Variants in GPAT3 observed in about 807,000 individuals in gnomAD.
The protein encoded by GPAT3 is 1-AGP acyltransferase 9.
Under a neutral mutation model 58.8 loss-of-function variants are expected in GPAT3, and 53 were observed. The ratio of observed to expected loss-of-function variants is 0.90; its 90% CI spans 0.72 to 1.13. GPAT3 has a LOEUF of 1.13. Among genes scored for constraint, GPAT3 ranks in the 50% most tolerant of loss-of-function variants. GPAT3 has a pLI of 0.00. For missense variants in GPAT3, 511 were observed against 527.6 expected, an observed-to-expected ratio of 0.97 and a Z score of 0.31; for synonymous variants, 197 against 187.4, an observed-to-expected ratio of 1.05 and a Z score of -0.42.
At chr4:83,581,394 T>A (rs1167296593) in intron 2 of GPAT3, among the ~76,000 whole-genome samples, 168 bp from the exon 3 acceptor site, 4 of 152,156 alleles carry the variant, frequency 2.6e-5, no homozygotes, top group Non-Finnish European at 5.9e-5. Flanking sequence ...TGATTTCACC[T>A]CTTTTCCCAC....
At chr4:83,579,565 T>C (rs970939019) in intron 2 of GPAT3, among the ~76,000 whole-genome samples, 3 of 152,064 alleles carry the variant, frequency 2.0e-5, no homozygotes, top group Admixed American at 1.3e-4. Context: ...GTGTTGGAAT[T>C]ACAGGCATAA....
chr4:83,578,895 CTCTT>C lies in GPAT3; in HGVS notation c.209-2661_209-2658del, dbSNP rs1207199547. 3.5e-3 allele frequency among the ~76,000 whole-genome samples: 504 copies of C among 146,064 alleles called. 7 individuals carry two copies. Among genetic ancestry groups the C allele is most frequent in the African/African-American group, 0.012 (479 of 39,234 alleles). Reference sequence around the variant, plus strand: ...TTCCTTCCCTCCCTTCCCTCCCTCCCTCTTTCTTTTCTTTTTTCTTTTTTCTTTT... The same window carrying C: ...TTCCTTCCCTCCCTTCCCTCCCTCCCTCTTTTCTTTTTTCTTTTTTCTTTT... On this transcript the variant is annotated intron_variant, in intron 2 of 11. Transcript: ENST00000264409.
chr4:83,575,123 G>A (rs570244041), intron 2 of GPAT3, among the ~76,000 whole-genome samples: 45 of 152,002 alleles, frequency 3.0e-4, no homozygotes, highest in South Asian at 1.9e-3. Context: ...TGATCCGCCC[G>A]CCTCGGCCTC....
At chr4:83,573,696 C>A (rs942821057) in intron 2 of GPAT3, among the ~76,000 whole-genome samples, 2 of 152,104 alleles carry the variant, frequency 1.3e-5, no homozygotes, top group Non-Finnish European at 2.9e-5. Context: ...AGGATCTGAG[C>A]CCCTCAGAGG....
chr4:83,598,677 G>A lies in GPAT3; in HGVS notation c.1159G>A (p.Val387Ile). ...GEDAVQFANRVKSAIAIQGGL... is the reference protein window; with the variant it reads ...GEDAVQFANRIKSAIAIQGGL... Reference sequence around the variant, plus strand: ...AGATGCAGTCCAGTTTGCTAACAGGGTTAAGTCTGCTATTGCTATACAAGG... The same window carrying A: ...AGATGCAGTCCAGTTTGCTAACAGGATTAAGTCTGCTATTGCTATACAAGG... The change falls in exon 11 of 12, where the codon GTT (valine) becomes ATT (isoleucine). Residue 387 changes from valine (V) to isoleucine (I), a missense_variant. Physicochemically the swap from Val to Ile is conservative, Grantham distance 29. Transcript: ENST00000264409. 6.5e-7 allele frequency: 1 copy of A among 1,549,670 alleles called. No homozygotes were observed. The highest frequency in any genetic ancestry group is 8.8e-7 in the Non-Finnish European group (1 of 1,142,700).
intron 6 of GPAT3, among the ~76,000 whole-genome samples, chr4:83,591,650 C>T (rs1371836859): frequency 2.6e-5 from 4 of 152,130 alleles, no homozygotes; most frequent in East Asian, 1.9e-4. Context: ...CCCTAGACCC[C>T]GCAGCACAGT....
At chr4:83,535,740 G>A (rs1211870935), upstream of GPAT3, 3 of 985,436 alleles carry the variant, frequency 3.0e-6, no homozygotes, top group Non-Finnish European at 3.6e-6. Context: ...GCCATGTGGG[G>A]AAGGAGGTGT....
In GPAT3 at chr4:83,597,466, A is replaced by G; in HGVS notation, c.947A>G (p.Lys316Arg). 1 of 1,575,694 alleles carries G rather than the reference A, an allele frequency of 6.3e-7. No homozygotes were observed. The highest frequency in any genetic ancestry group is 8.6e-7 in the Non-Finnish European group (1 of 1,159,938). The change falls in exon 9 of 12, where the codon AAA (lysine) becomes AGA (arginine). Residue 316 changes from lysine to arginine, a missense_variant. By Grantham distance (26) the Lys-to-Arg change is conservative (BLOSUM62 2). Coordinates refer to ENST00000264409, the MANE Select transcript of GPAT3 (RefSeq NM_032717.5). ...CINNTSVMMF[K>R]KGSFEIGGTI... is the part of the protein sequence containing the mutation. ...AACAATACTTCAGTCATGATGTTTA[A>G]AAAGGGGAGCTTTGAAATTGGAGGA...
At chr4:83,564,078 T>C (rs1228626116) in intron 2 of GPAT3, among the ~76,000 whole-genome samples, 1 of 152,194 alleles carries the variant, frequency 6.6e-6, no homozygotes, top group East Asian at 1.9e-4. Context: ...TTTGGATTGA[T>C]AGTGTCAAAC....
chr4:83,537,417 C>T (rs1417129757), intron 1 of GPAT3, among the ~76,000 whole-genome samples: 1 of 152,042 alleles, frequency 6.6e-6, no homozygotes, highest in Non-Finnish European at 1.5e-5. Context: ...AGAACAACTG[C>T]AGCTTACTCT....
chr4:83,566,066 C>T (rs114442729), intron 2 of GPAT3, among the ~76,000 whole-genome samples: 2,693 of 152,252 alleles, frequency 0.018, 31 homozygotes, highest in Non-Finnish European at 0.026. Context: ...GGAATGCCGC[C>T]GAGCTGTTAT....
At chr4:83,576,091 C>G (rs1191105497) in intron 2 of GPAT3, among the ~76,000 whole-genome samples, 1 of 152,202 alleles carries the variant, frequency 6.6e-6, no homozygotes, top group African/African-American at 2.4e-5. Context: ...TTGTGTTCCA[C>G]ATATCGTTTT....
chr4:83,569,356 A>G (rs1332056419), intron 2 of GPAT3, among the ~76,000 whole-genome samples: 1 of 152,208 alleles, frequency 6.6e-6, no homozygotes, highest in East Asian at 1.9e-4. Context: ...TGGAGTGATG[A>G]CTGAGAAGAA....
chr4:83,579,110 CCTTCCTT>C (rs2110095950), intron 2 of GPAT3, among the ~76,000 whole-genome samples: 1 of 117,170 alleles, frequency 8.5e-6, no homozygotes, highest in East Asian at 2.7e-4. Context: ...TTCCTTCCTT[CCTTCCTT>C]CCTTCCTTCC....
Position 83,574,944 on chromosome 4 carries a change from C to T in GPAT3, c.209-6618C>T, listed in dbSNP as rs543709785. On this transcript the variant is annotated intron_variant, in intron 2 of 11. Coordinates refer to ENST00000264409, the MANE Select transcript of GPAT3 (RefSeq NM_032717.5). The stretch of plus-strand genomic sequence containing the variant: ...AGGCCGGAGTGCAGTGGCGCGATCT[C>T]GGCTCACTGCAGGCTCCGCCCCCTG... Among the ~76,000 whole-genome samples, 498 of 140,980 alleles carry T rather than the reference C, an allele frequency of 3.5e-3. 1 individual carries two copies. The highest frequency in any genetic ancestry group is 0.013 in the African/African-American group (485 of 37,888). 92.5% of individuals were successfully genotyped at this position (140,980 alleles called of 152,430 possible).
At chr4:83,541,799 A>AG (rs1724314244) in intron 1 of GPAT3, among the ~76,000 whole-genome samples, 1 of 152,212 alleles carries the variant, frequency 6.6e-6, no homozygotes, top group Non-Finnish European at 1.5e-5. Context: ...CAGCAGGTTT[A>AG]GCCTCATTCT....
chr4:83,545,778 T>C (rs776759212), intron 2 of GPAT3, among the ~76,000 whole-genome samples: 3 of 152,074 alleles, frequency 2.0e-5, no homozygotes, highest in Non-Finnish European at 4.4e-5. Flanking sequence ...AAAAAAATTA[T>C]TCTGGTTCAT....
At chr4:83,565,179 C>T (rs1372068879) in intron 2 of GPAT3, among the ~76,000 whole-genome samples, 1 of 152,082 alleles carries the variant, frequency 6.6e-6, no homozygotes, top group African/African-American at 2.4e-5. Context: ...CAACTCACTG[C>T]AACCTCTGCC....
At chr4:83,598,932 A>G (rs1370657422) in intron 11 of GPAT3, among the ~76,000 whole-genome samples, 1 of 151,648 alleles carries the variant, frequency 6.6e-6, no homozygotes, top group African/African-American at 2.4e-5. Flanking sequence ...TGGGACTACA[A>G]GTGCTTGCCA....
Sources: allele counts gnomAD v4.1 joint callset (sites outside exome capture counted in the v4.1 genomes callset), GRCh38; gene constraint gnomAD v4.1.1; transcripts MANE v1.5; gene names NCBI Gene and HGNC (gene_info 2026-07-23, HGNC 2026-07-21).